Variants in TMEM132D observed in about 807,000 individuals in gnomAD.
The protein encoded by TMEM132D is mature OL transmembrane protein.
In TMEM132D, 21 loss-of-function variants were observed where a neutral mutation model predicts 62.3. The observed-to-expected ratio is 0.34, with a 90% CI of 0.24 to 0.49. TMEM132D has a LOEUF of 0.49. TMEM132D is among the 20% of genes least tolerant of loss of function. The pLI is 0.99. For synonymous variants in TMEM132D, 621 were observed against 575.6 expected, an observed-to-expected ratio of 1.08 and a Z score of -1.13; for missense variants, 1,346 against 1,402.8, an observed-to-expected ratio of 0.96 and a Z score of 0.65.
At chr12:129,810,355 T>TA (rs1009777902) in intron 1 of TMEM132D, among the ~76,000 whole-genome samples, 5 of 152,202 alleles carry the variant, frequency 3.3e-5, no homozygotes, top group African/African-American at 9.6e-5. Flanking sequence ...TTCCTTATTT[T>TA]AAAAAAATCT....
At chr12:129,289,560 A>AG (rs1460630153) in intron 4 of TMEM132D, among the ~76,000 whole-genome samples, 3 of 148,596 alleles carry the variant, frequency 2.0e-5, no homozygotes, top group Admixed American at 6.9e-5. Context: ...AAAAAAAAAA[A>AG]AAAAGAAAAA....
Position 129,089,331 on chromosome 12 carries a change from C to A in TMEM132D, c.1444-4629G>T, listed in dbSNP as rs796416465. 1.7e-3 allele frequency among the ~76,000 whole-genome samples: 72 copies of A among 41,326 alleles called. 1 individual carries two copies. Among genetic ancestry groups the A allele is most frequent in the African/African-American group, 0.012 (64 of 5,554 alleles). The allele number at this position is 41,326 out of a possible 152,430, so 27.1% of individuals were successfully genotyped here. On this transcript the variant is annotated intron_variant, in intron 5 of 8. Coordinates refer to ENST00000422113, the MANE Select transcript of TMEM132D (RefSeq NM_133448.3). Reference sequence around the variant, plus strand: ...TGTCCTCCATGACCGGGTGTCCTCCCTGACCGGGATGTCCTCCATGACCGG... The same window carrying A: ...TGTCCTCCATGACCGGGTGTCCTCCATGACCGGGATGTCCTCCATGACCGG...
At chr12:129,600,450 C>A (rs2137142160) in intron 2 of TMEM132D, among the ~76,000 whole-genome samples, 1 of 152,256 alleles carries the variant, frequency 6.6e-6, no homozygotes, top group East Asian at 1.9e-4. Context: ...CATTTGGGCT[C>A]CTCTCGTGAA....
At chr12:129,606,421 A>C (rs546076137) in intron 2 of TMEM132D, among the ~76,000 whole-genome samples, 13 of 152,270 alleles carry the variant, frequency 8.5e-5, no homozygotes, top group African/African-American at 3.1e-4. Flanking sequence ...GCAGCCCCGG[A>C]GCCACACAGA....
At chr12:129,342,707 A>G (rs1181292139) in intron 3 of TMEM132D, among the ~76,000 whole-genome samples, 1 of 152,154 alleles carries the variant, frequency 6.6e-6, no homozygotes, top group Non-Finnish European at 1.5e-5. Flanking sequence ...AGAATCTACA[A>G]AGAACTCAAA....
At chr12:129,409,111 T>G (rs1871887581) in intron 3 of TMEM132D, among the ~76,000 whole-genome samples, 1 of 152,114 alleles carries the variant, frequency 6.6e-6, no homozygotes. Context: ...TTTTGTATTT[T>G]CAGTAGACAC....
chr12:129,683,514 C>T (rs949162300), intron 2 of TMEM132D, among the ~76,000 whole-genome samples: 5 of 152,290 alleles, frequency 3.3e-5, no homozygotes, highest in African/African-American at 9.6e-5. Flanking sequence ...ATGATCCCTG[C>T]GTTCCTAAGA....
chr12:129,902,263 G>A (rs1445881922), intron 1 of TMEM132D, among the ~76,000 whole-genome samples: 1 of 152,168 alleles, frequency 6.6e-6, no homozygotes, highest in Non-Finnish European at 1.5e-5. Context: ...GTTTCTGAGA[G>A]AGATCTCATC....
chr12:129,454,437 A>G (rs1348886090), intron 3 of TMEM132D, among the ~76,000 whole-genome samples: 1 of 152,176 alleles, frequency 6.6e-6, no homozygotes, highest in Non-Finnish European at 1.5e-5. Flanking sequence ...TCCTTGTGAG[A>G]ACATCCCATA....
chr12:129,255,298 C>T (rs764649810), intron 4 of TMEM132D, among the ~76,000 whole-genome samples: 9 of 152,166 alleles, frequency 5.9e-5, no homozygotes, highest in African/African-American at 9.7e-5. Context: ...TGGACTAATA[C>T]ATCAGGACTG....
intron 1 of TMEM132D, among the ~76,000 whole-genome samples, chr12:129,871,441 C>A (rs1193289706): frequency 6.6e-6 from 1 of 152,096 alleles, no homozygotes. Context: ...AGACAGAAGG[C>A]AGAGTACCTC....
At chr12:129,807,083 AAAAG>A (rs1177131818) in intron 1 of TMEM132D, among the ~76,000 whole-genome samples, 3 of 149,630 alleles carry the variant, frequency 2.0e-5, no homozygotes, top group African/African-American at 7.7e-5. Context: ...TGCCAAATGA[AAAAG>A]AAAATGAGAG....
intron 4 of TMEM132D, among the ~76,000 whole-genome samples, chr12:129,239,853 A>T: frequency 6.6e-6 from 1 of 152,200 alleles, no homozygotes; most frequent in East Asian, 1.9e-4. Flanking sequence ...CAAGTGATTC[A>T]AGTTTGTGAA....
chr12:129,708,291 C>T (rs1013883427), intron 1 of TMEM132D, among the ~76,000 whole-genome samples: 1 of 152,056 alleles, frequency 6.6e-6, no homozygotes, highest in Non-Finnish European at 1.5e-5. Flanking sequence ...AGCTGAAGAC[C>T]AACTTGAGAC....
intron 3 of TMEM132D, among the ~76,000 whole-genome samples, chr12:129,430,180 C>G (rs1872614659): frequency 6.6e-6 from 1 of 152,126 alleles, no homozygotes; most frequent in South Asian, 2.1e-4. Context: ...AATGGTTGAA[C>G]TAGTTTACAG....
intron 5 of TMEM132D, among the ~76,000 whole-genome samples, chr12:129,118,885 C>T (rs1014210746): frequency 2.6e-5 from 4 of 152,218 alleles, no homozygotes; most frequent in African/African-American, 4.8e-5. Context: ...GTATCTATTT[C>T]GGCTGCTCAG....
chr12:129,803,202 A>G (rs1435393834), intron 1 of TMEM132D, among the ~76,000 whole-genome samples: 1 of 151,456 alleles, frequency 6.6e-6, no homozygotes, highest in Non-Finnish European at 1.5e-5. Context: ...ATAGACATCT[A>G]CAGAACTCTC....
chr12:129,841,889 C>T (rs1464827736), intron 1 of TMEM132D, among the ~76,000 whole-genome samples: 1 of 150,310 alleles, frequency 6.7e-6, no homozygotes, highest in Non-Finnish European at 1.5e-5. Context: ...TCGTTGAGCA[C>T]CTCCTAAGAG....
At chr12:129,375,100 G>A (rs11060289) in intron 3 of TMEM132D, among the ~76,000 whole-genome samples, 60,311 of 151,762 alleles carry the variant, frequency 0.4, 12,213 homozygotes, top group Middle Eastern at 0.48. Context: ...ACTCTGCTCC[G>A]GGAACTTGGG....
Sources: gnomAD v4.1 joint callset for allele counts (sites outside exome capture counted in the v4.1 genomes callset) on GRCh38, gnomAD v4.1.1 for gene constraint, MANE v1.5 for transcripts, NCBI Gene and HGNC (gene_info 2026-07-23, HGNC 2026-07-21) for gene names.